SKAP1: variants seen among roughly 807,000 people sequenced by gnomAD.
SKAP1 encodes the protein src kinase-associated phosphoprotein 1.
SKAP1 carries 44 observed loss-of-function variants against 58.5 expected under a neutral mutation model. The observed-to-expected ratio is 0.75, with a 90% CI of 0.59 to 0.97. SKAP1 has a LOEUF of 0.97. Among genes scored for constraint, SKAP1 ranks in the 50% least tolerant of loss-of-function variants. The pLI, the probability that SKAP1 is intolerant of heterozygous loss-of-function variation, is 0.00. For synonymous variants in SKAP1, 127 were observed against 149.7 expected (o/e 0.85, Z 1.11); for missense variants, 390 against 435.2 (o/e 0.90, Z 0.92).
At chr17:48,138,134 A>G (rs918352017) in intron 11 of SKAP1, among the ~76,000 whole-genome samples, 1 of 152,194 alleles carries the variant, frequency 6.6e-6, no homozygotes, top group Admixed American at 6.5e-5. Flanking sequence ...GTAGTCACAG[A>G]GTGAGGATGC....
chr17:48,166,882 T>G (rs895117093), intron 10 of SKAP1, among the ~76,000 whole-genome samples: 4 of 150,848 alleles, frequency 2.7e-5, no homozygotes, highest in African/African-American at 9.8e-5. Flanking sequence ...TTTTTTTTTC[T>G]GAAATAGGGT....
At chr17:48,186,169 C>A (rs2064448282) in intron 6 of SKAP1, among the ~76,000 whole-genome samples, 1 of 152,142 alleles carries the variant, frequency 6.6e-6, no homozygotes, top group East Asian at 1.9e-4. Flanking sequence ...AAGAAAAGAA[C>A]AACTGGCTGG....
chr17:48,153,903 A>G (rs1003377582), intron 11 of SKAP1, among the ~76,000 whole-genome samples: 4 of 152,116 alleles, frequency 2.6e-5, no homozygotes, highest in South Asian at 4.2e-4. Flanking sequence ...TTAAAAAAAA[A>G]AAAAAAAAGA....
chr17:48,342,993 T>A (rs1244388373), intron 4 of SKAP1, among the ~76,000 whole-genome samples: 1 of 151,996 alleles, frequency 6.6e-6, no homozygotes, highest in South Asian at 2.1e-4. Flanking sequence ...TCAAAAAAAA[T>A]AATAATAAAA....
At position 48,180,102 on chromosome 17, in the gene SKAP1, C is replaced by G; in HGVS notation, c.778G>C (p.Glu260Gln). The change falls in exon 9 of 13, where the codon GAG becomes CAG. Residue 260 changes from glutamate (E) to glutamine (Q), a missense_variant. Coordinates refer to ENST00000336915, the MANE Select transcript of SKAP1 (RefSeq NM_003726.4). ...TCTTCTTCTTTCTCCTCTGTAGGCTCTTTTATCCCCACACTCCCAGGCAAG... is the reference window on the plus strand; with the variant it reads ...TCTTCTTCTTTCTCCTCTGTAGGCTGTTTTATCCCCACACTCCCAGGCAAG... Reference protein sequence around the residue: ...TILPGSVGIKEPTEEKEEEDI... With the variant: ...TILPGSVGIKQPTEEKEEEDI... The G allele has an allele frequency of 6.2e-7, 1 of 1,612,170 alleles. No individual in the cohort carries two copies.
intron 2 of SKAP1, among the ~76,000 whole-genome samples, chr17:48,373,749 C>A (rs886514119): frequency 2.0e-5 from 3 of 152,072 alleles, no homozygotes; most frequent in African/African-American, 7.2e-5. Flanking sequence ...GTGTCAATAA[C>A]TCACCCTTGC....
rs2067559201 is a variant in SKAP1 at position 48,405,402 on chromosome 17, TTTC to T, written c.47-8620_47-8618del. ...TCTTTTTTTCTCTTTCCTTTCTTTC[TTTC>T]TTTCTTTCTTTCTTTCTTTCTTTCT... On this transcript the variant is annotated intron_variant, in intron 1 of 12. Coordinates refer to ENST00000336915, the MANE Select transcript of SKAP1 (RefSeq NM_003726.4). 1.3e-4 allele frequency among the ~76,000 whole-genome samples: 8 copies of T among 59,300 alleles called. No individual in the cohort carries two copies. The South Asian group carries it at 5.2e-3, about 39-fold the overall frequency. The allele number at this position is 59,300 out of a possible 152,430, so 38.9% of individuals were successfully genotyped here. A position where few individuals can be genotyped will look rare whatever the true frequency, so the allele number is the denominator to read the frequency against.
chr17:48,201,304 C>T (rs932127897), intron 4 of SKAP1, among the ~76,000 whole-genome samples: 2 of 150,714 alleles, frequency 1.3e-5, no homozygotes, highest in Non-Finnish European at 3.0e-5. Context: ...TTCCTTTCTT[C>T]GTTCCTTCCT....
chr17:48,418,021 G>A (rs913775574), intron 1 of SKAP1, among the ~76,000 whole-genome samples: 6 of 152,156 alleles, frequency 3.9e-5, no homozygotes, highest in Non-Finnish European at 5.9e-5. Context: ...CAGGGTGGGT[G>A]CAGTGCCTCA....
intron 1 of SKAP1, among the ~76,000 whole-genome samples, chr17:48,399,709 G>T (rs2067470961): frequency 6.6e-6 from 1 of 151,386 alleles, no homozygotes; most frequent in Non-Finnish European, 1.5e-5. Flanking sequence ...TGAGGCTGCA[G>T]TGAGCCATGA....
rs751278029 is a variant in SKAP1 at position 48,182,412 on chromosome 17, T to C, written c.613A>G (p.Ile205Val). 3 of 1,609,072 alleles carry C rather than the reference T, an allele frequency of 1.9e-6. No individual in the cohort carries two copies. Among genetic ancestry groups the C allele is most frequent in the Non-Finnish European group, 2.5e-6 (3 of 1,177,218 alleles). ...PAEARDWVDQ[I>V]SFLLKDLSSL... is the part of the protein sequence containing the mutation. ...CACTTACCCTTTAACAAGAAACTTA[T>C]TTGATCCACCCAGTCTCTGGCTTCT... The change falls in exon 8 of 13, where the codon ATA becomes GTA. Residue 205 changes from isoleucine to valine, a missense_variant. By Grantham distance (29) the Ile-to-Val change is conservative. Transcript: ENST00000336915.
At chr17:48,138,139 G>A (rs931095409) in intron 11 of SKAP1, among the ~76,000 whole-genome samples, 1 of 152,176 alleles carries the variant, frequency 6.6e-6, no homozygotes, top group Admixed American at 6.5e-5. Flanking sequence ...CACAGAGTGA[G>A]GATGCAGCTC....
intron 10 of SKAP1, among the ~76,000 whole-genome samples, chr17:48,164,406 C>T (rs1467638666): frequency 6.6e-6 from 1 of 152,094 alleles, no homozygotes; most frequent in Non-Finnish European, 1.5e-5. Context: ...TCTTTTCTGG[C>T]CTAGCAGATA....
At chr17:48,428,062 T>C (rs1025099027) in intron 1 of SKAP1, among the ~76,000 whole-genome samples, 3 of 152,194 alleles carry the variant, frequency 2.0e-5, no homozygotes, top group South Asian at 4.1e-4. Context: ...TTGTAACCAA[T>C]ATATTGCTAT....
Position 48,186,378 on chromosome 17 carries a change from A to C in SKAP1, c.442+1465T>G, listed in dbSNP as rs1359433497. On this transcript the variant is annotated intron_variant, in intron 6 of 12. Transcript: ENST00000336915. The stretch of plus-strand genomic sequence containing the variant: ...GGTGAAAGGTAGGCAAAGGTCTGTG[A>C]TAACTACTGCAGGCAGTGTGAGACA... Among the ~76,000 whole-genome samples, 3 of 152,330 alleles carry C rather than the reference A, an allele frequency of 2.0e-5. No individual in the cohort carries two copies. The South Asian group carries it at 6.2e-4, about 32-fold the overall frequency.
intron 1 of SKAP1, among the ~76,000 whole-genome samples, chr17:48,422,240 A>G (rs1012585955): frequency 6.6e-6 from 1 of 152,126 alleles, no homozygotes; most frequent in Non-Finnish European, 1.5e-5. Flanking sequence ...CATAATGGAG[A>G]AGAAGGATAA....
chr17:48,177,211 C>T (rs2064302297), intron 9 of SKAP1, among the ~76,000 whole-genome samples: 1 of 152,184 alleles, frequency 6.6e-6, no homozygotes, highest in Admixed American at 6.5e-5. Context: ...CTGGAAATAA[C>T]CAACTGGACT....
chr17:48,275,654 G>C (rs1165746463), intron 4 of SKAP1, among the ~76,000 whole-genome samples: 1 of 152,194 alleles, frequency 6.6e-6, no homozygotes, highest in Non-Finnish European at 1.5e-5. Flanking sequence ...AGGGTTCTTA[G>C]CTGCAAAGCA....
At chr17:48,248,128 A>G (rs1001191989) in intron 4 of SKAP1, among the ~76,000 whole-genome samples, 4 of 152,358 alleles carry the variant, frequency 2.6e-5, no homozygotes, top group Admixed American at 2.6e-4. Flanking sequence ...CAGACCTCAT[A>G]GTGTAGAACT....
Sources: gnomAD v4.1 joint callset for allele counts (sites outside exome capture counted in the v4.1 genomes callset) on GRCh38, gnomAD v4.1.1 for gene constraint, MANE v1.5 for transcripts, NCBI Gene and HGNC (gene_info 2026-07-23, HGNC 2026-07-21) for gene names.